KCNH1: variants seen among roughly 807,000 people sequenced by gnomAD.
KCNH1 encodes potassium voltage-gated channel subfamily H member 1.
KCNH1 carries 27 observed loss-of-function variants against 69.2 expected under a neutral mutation model. That is an observed-to-expected ratio of 0.39 (90% confidence interval 0.29 to 0.54). The LOEUF is 0.54. Among genes scored for constraint, KCNH1 ranks in the 20% least tolerant of loss-of-function variants. The pLI is 0.68. For synonymous variants in KCNH1, 456 were observed against 487.7 expected (o/e 0.93, Z 0.86); for missense variants, 798 against 1,261.6 (o/e 0.63, Z 5.57).
At chr1:210,811,827 A>T (rs756697130) in intron 7 of KCNH1, among the ~76,000 whole-genome samples, 14 of 152,320 alleles carry the variant, frequency 9.2e-5, no homozygotes, top group Admixed American at 6.5e-4. Flanking sequence ...GAGGTCCAAG[A>T]TCAAAGAAAT....
intron 10 of KCNH1, among the ~76,000 whole-genome samples, chr1:210,736,879 G>C (rs577149279): frequency 2.0e-5 from 3 of 152,244 alleles, no homozygotes; most frequent in African/African-American, 7.2e-5. Flanking sequence ...CAACTGCTAG[G>C]CATAATTACT....
chr1:210,838,229 A>C (rs1015092889), intron 7 of KCNH1, among the ~76,000 whole-genome samples: 1 of 152,192 alleles, frequency 6.6e-6, no homozygotes, highest in African/African-American at 2.4e-5. Flanking sequence ...CCTGACAAAA[A>C]ACAAGCAATG....
chr1:211,076,658 A>T (rs1690739455), intron 5 of KCNH1, among the ~76,000 whole-genome samples: 1 of 152,278 alleles, frequency 6.6e-6, no homozygotes, highest in South Asian at 2.1e-4. Context: ...AGGAGAAACC[A>T]GATCAGGAAA....
At chr1:210,853,929 A>AAAGCATTTAT (rs1685765848) in intron 7 of KCNH1, among the ~76,000 whole-genome samples, 1 of 128,808 alleles carries the variant, frequency 7.8e-6, no homozygotes, top group Admixed American at 9.0e-5. Flanking sequence ...CCTAGCAGTA[A>AAAGCATTTAT]AAGCATTTAT....
chr1:210,922,010 G>T (rs1687467652), intron 6 of KCNH1, among the ~76,000 whole-genome samples: 1 of 152,014 alleles, frequency 6.6e-6, no homozygotes, highest in Non-Finnish European at 1.5e-5. Context: ...TGTCAATATA[G>T]ACCATACATC....
At chr1:210,988,535 C>G (rs889332988) in intron 6 of KCNH1, among the ~76,000 whole-genome samples, 6 of 152,174 alleles carry the variant, frequency 3.9e-5, no homozygotes, top group African/African-American at 1.4e-4. Flanking sequence ...CATGCCATGT[C>G]TATTGCAATA....
chr1:210,925,350 A>G (rs1687546624), intron 6 of KCNH1, among the ~76,000 whole-genome samples: 1 of 152,228 alleles, frequency 6.6e-6, no homozygotes, highest in African/African-American at 2.4e-5. Context: ...GCAGGAATAT[A>G]TCAGGAAAGC....
At chr1:210,747,867 C>T (rs1022380544) in intron 10 of KCNH1, among the ~76,000 whole-genome samples, 2 of 152,158 alleles carry the variant, frequency 1.3e-5, no homozygotes, top group Non-Finnish European at 2.9e-5. Flanking sequence ...CCCCTAGCTG[C>T]ACCATGTAAT....
rs769886745 is a variant in KCNH1 at position 210,779,728 on chromosome 1, GA to G, written c.1916-4185del. 7.6e-4 allele frequency among the ~76,000 whole-genome samples: 112 copies of G among 147,802 alleles called. 1 individual carries two copies. The highest frequency in any genetic ancestry group is 3.5e-3 in the Middle Eastern group (1 of 286). ...ATTCTAAATGGACATTCTGAGCTGG[GA>G]AAAAAAAAAGAAGGAAGTAAGGAAA... is the stretch of plus-strand genomic sequence containing the variant. On this transcript the variant is annotated intron_variant, in intron 9 of 10. Coordinates refer to ENST00000271751, the MANE Select transcript of KCNH1 (RefSeq NM_172362.3).
intron 5 of KCNH1, among the ~76,000 whole-genome samples, chr1:211,051,205 C>G (rs1336894901): frequency 6.6e-6 from 1 of 152,070 alleles, no homozygotes; most frequent in East Asian, 1.9e-4. Flanking sequence ...ACCATGTTGG[C>G]CATGCTGATC....
chr1:211,043,334 C>T (rs1238576865), intron 5 of KCNH1, among the ~76,000 whole-genome samples: 1 of 152,124 alleles, frequency 6.6e-6, no homozygotes, highest in Admixed American at 6.5e-5. Context: ...CACCTTTACA[C>T]ACATAAACTA....
rs570816998 is a variant in KCNH1, at chr1:210,882,401, C to T, written c.1462+37239G>A. On this transcript the variant is annotated intron_variant, in intron 7 of 10. Transcript: ENST00000271751. ...AAGGGAGGAGAGAATATCAGGATAGCTTCAGAGAAAGTCAGCTCTAGATAG... is the reference window on the plus strand; with the variant it reads ...AAGGGAGGAGAGAATATCAGGATAGTTTCAGAGAAAGTCAGCTCTAGATAG... Among the ~76,000 whole-genome samples, 3 of 152,174 alleles carry T rather than the reference C, an allele frequency of 2.0e-5. No homozygotes were observed. The East Asian group carries it at 5.8e-4, about 29-fold the overall frequency.
chr1:210,983,358 T>G (rs928430412), intron 6 of KCNH1, among the ~76,000 whole-genome samples: 35 of 152,252 alleles, frequency 2.3e-4, no homozygotes, highest in African/African-American at 8.4e-4. Context: ...GCCTATGTTC[T>G]GAATGGTATT....
intron 10 of KCNH1, among the ~76,000 whole-genome samples, chr1:210,714,954 A>G (rs1682188333): frequency 6.6e-6 from 1 of 152,106 alleles, no homozygotes; most frequent in African/African-American, 2.4e-5. Flanking sequence ...TCCCAAAGGG[A>G]CCAATCCATG....
intron 6 of KCNH1, among the ~76,000 whole-genome samples, chr1:210,951,419 G>C (rs1182136143): frequency 6.6e-6 from 1 of 152,208 alleles, no homozygotes; most frequent in Non-Finnish European, 1.5e-5. Flanking sequence ...AGGAGCATTT[G>C]AACCTGCTGT....
chr1:210,711,167 C>A (rs1279937403), intron 10 of KCNH1, among the ~76,000 whole-genome samples: 1 of 152,158 alleles, frequency 6.6e-6, no homozygotes, highest in Non-Finnish European at 1.5e-5. Context: ...CCTAGACAGC[C>A]CCAGACCATG....
chr1:210,898,233 T>C lies in KCNH1; in HGVS notation c.1462+21407A>G, dbSNP rs528922398. On this transcript the variant is annotated intron_variant, in intron 7 of 10. Coordinates refer to ENST00000271751, the MANE Select transcript of KCNH1 (RefSeq NM_172362.3). ...TTGTCACTTGTTTATAATAATACTT[T>C]TTAAGTATGACTATATTGCCTTATA... Among the ~76,000 whole-genome samples the C allele has an allele frequency of 8.5e-5, 13 of 152,330 alleles. No individual in the cohort carries two copies. In the South Asian group the frequency reaches 1.7e-3, roughly 19 times the overall value.
chr1:210,800,446 T>A (rs757829060), intron 8 of KCNH1, among the ~76,000 whole-genome samples: 3 of 152,188 alleles, frequency 2.0e-5, no homozygotes, highest in Non-Finnish European at 2.9e-5. Context: ...GACTTTACTC[T>A]TCCCCTGGAA....
intron 1 of KCNH1, 116 bp from the exon 2 acceptor site, chr1:211,107,493 A>G: frequency 9.6e-7 from 1 of 1,044,394 alleles, no homozygotes; most frequent in South Asian, 1.6e-5. Flanking sequence ...CCTCCAAAAC[A>G]TAGACTCTTG....
Sources: allele counts gnomAD v4.1 joint callset (sites outside exome capture counted in the v4.1 genomes callset), GRCh38; gene constraint gnomAD v4.1.1; transcripts MANE v1.5; gene names NCBI Gene and HGNC (gene_info 2026-07-23, HGNC 2026-07-21).